Variants in ABL1 observed in about 807,000 individuals in gnomAD.
The protein encoded by ABL1 is ABL proto-oncogene 1, non-receptor tyrosine kinase, also known as tyrosine-protein kinase ABL1.
Under a neutral mutation model 94.7 loss-of-function variants are expected in ABL1, and 11 were observed. The ratio of observed to expected loss-of-function variants is 0.12; its 90% confidence interval spans 0.07 to 0.19. The LOEUF (loss-of-function observed/expected upper bound fraction) is 0.19, where lower values mean the gene tolerates loss of function less well. Among genes scored for constraint, ABL1 ranks in the 10% least tolerant of loss-of-function variants. The pLI, the probability that ABL1 is intolerant of heterozygous loss-of-function variation, is 1.00. For missense variants in ABL1, 1,082 were observed against 1,489.4 expected, an observed-to-expected ratio of 0.73 and a Z score of 4.50; for synonymous variants, 656 against 622.4, an observed-to-expected ratio of 1.05 and a Z score of -0.80.
exon 1 of ABL1, chr9:130,714,306 C>G: frequency 6.3e-7 from 1 of 1,579,150 alleles, no homozygotes; most frequent in Non-Finnish European, 8.6e-7. Flanking sequence ...GAAAGGGGTA[C>G]CTATTATTAC....
intron 1 of ABL1, among the ~76,000 whole-genome samples, chr9:130,841,763 G>C (rs1294158513): frequency 6.6e-6 from 1 of 151,842 alleles, no homozygotes; most frequent in Non-Finnish European, 1.5e-5. Context: ...AGTGAGCCGC[G>C]ATCTCACCAT....
At chr9:130,869,219 T>C (rs913302417) in intron 4 of ABL1, among the ~76,000 whole-genome samples, 1 of 152,188 alleles carries the variant, frequency 6.6e-6, no homozygotes, top group Non-Finnish European at 1.5e-5. Context: ...AATGTATCTG[T>C]GAGAAGACAA....
intron 1 of ABL1, among the ~76,000 whole-genome samples, chr9:130,717,406 C>T (rs1451096321): frequency 6.6e-6 from 1 of 152,084 alleles, no homozygotes; most frequent in Admixed American, 6.6e-5. Flanking sequence ...AAGATCCATT[C>T]AAAGTGCAAA....
chr9:130,826,629 A>T (rs1226322951), intron 1 of ABL1, among the ~76,000 whole-genome samples: 1 of 152,194 alleles, frequency 6.6e-6, no homozygotes, highest in Admixed American at 6.5e-5. Flanking sequence ...AGACATTAGT[A>T]CCACAGAAAG....
At chr9:130,778,853 T>G (rs557834151) in intron 1 of ABL1, among the ~76,000 whole-genome samples, 1 of 152,200 alleles carries the variant, frequency 6.6e-6, no homozygotes, top group East Asian at 1.9e-4. Flanking sequence ...TCCTGTGATA[T>G]TATGGATTCC....
chr9:130,817,739 A>G (rs1830307522), intron 1 of ABL1, among the ~76,000 whole-genome samples: 1 of 152,212 alleles, frequency 6.6e-6, no homozygotes. Context: ...AGCATTTCTA[A>G]CAGATCCATA....
chr9:130,808,925 G>A lies in ABL1; in HGVS notation c.137-45139G>A, dbSNP rs34776811. Among the ~76,000 whole-genome samples, 995 of 152,306 alleles carry A rather than the reference G, an allele frequency of 6.5e-3. 10 individuals carry two copies. The highest frequency in any genetic ancestry group is 0.022 in the African/African-American group (931 of 41,558). Reference sequence around the variant, plus strand: ...AAGTTATTAGGTCTAAGGTGATTAAGAACAGCGAATCCTGAGACCTGAGAA... The same window carrying A: ...AAGTTATTAGGTCTAAGGTGATTAAAAACAGCGAATCCTGAGACCTGAGAA... On this transcript the variant is annotated intron_variant, in intron 1 of 10. Transcript: ENST00000372348.
intron 1 of ABL1, among the ~76,000 whole-genome samples, chr9:130,846,983 G>C (rs572821135): frequency 6.6e-6 from 1 of 152,166 alleles, no homozygotes; most frequent in East Asian, 1.9e-4. Flanking sequence ...CTGTGGCCTG[G>C]TTCTTATAAA....
At chr9:130,714,440 G>T (rs750387075) in exon 1 of ABL1, 1 of 1,614,196 alleles carries the variant, frequency 6.2e-7, no homozygotes. Flanking sequence ...ACACTGCAAT[G>T]TTTTTGTGGA....
At chr9:130,832,995 A>T (rs994010824), upstream of ABL1, among the ~76,000 whole-genome samples, 3 of 152,236 alleles carry the variant, frequency 2.0e-5, no homozygotes, top group Non-Finnish European at 4.4e-5. Context: ...CTAAAATTAA[A>T]AAGATTTGGG....
intron 1 of ABL1, among the ~76,000 whole-genome samples, chr9:130,772,082 C>T (rs1188794446): frequency 2.6e-5 from 4 of 152,112 alleles, no homozygotes; most frequent in African/African-American, 4.8e-5. Context: ...AAAATGCTTC[C>T]TGGTAACTGC....
chr9:130,812,212 A>T (rs185219098), intron 1 of ABL1, among the ~76,000 whole-genome samples: 4,418 of 150,514 alleles, frequency 0.029, 106 homozygotes, highest in Middle Eastern at 0.065. Context: ...AAAAAAAAAA[A>T]AAAAAAAAAA....
intron 1 of ABL1, among the ~76,000 whole-genome samples, chr9:130,844,633 T>C (rs1378677907): frequency 2.0e-5 from 3 of 152,126 alleles, no homozygotes; most frequent in Admixed American, 1.3e-4. Flanking sequence ...AAACCCCGTC[T>C]TTACTAAAGA....
At chr9:130,854,685 A>G in intron 2 of ABL1, 116 bp from the exon 3 acceptor site, 1 of 1,099,710 alleles carries the variant, frequency 9.1e-7, no homozygotes, top group Non-Finnish European at 1.3e-6. Context: ...GGACTTGTTA[A>G]AATGAAATTG....
intron 1 of ABL1, among the ~76,000 whole-genome samples, chr9:130,736,902 G>A (rs1396718943): frequency 6.6e-6 from 1 of 152,200 alleles, no homozygotes; most frequent in African/African-American, 2.4e-5. Context: ...GTAGGGCCTA[G>A]TTGATTGCCT....
intron 1 of ABL1, among the ~76,000 whole-genome samples, chr9:130,773,628 C>CTTT (rs57265547): frequency 9.2e-6 from 1 of 109,000 alleles, no homozygotes; most frequent in Non-Finnish European, 1.9e-5. Context: ...CTGGCTAACT[C>CTTT]TTTTTTTTTT....
At chr9:130,839,647 G>A (rs914807920) in intron 1 of ABL1, among the ~76,000 whole-genome samples, 1 of 152,200 alleles carries the variant, frequency 6.6e-6, no homozygotes, top group Non-Finnish European at 1.5e-5. Context: ...GTTTTCCTCT[G>A]ACCTCTCTGA....
At chr9:130,877,771 G>A (rs546587656) in intron 7 of ABL1, among the ~76,000 whole-genome samples, 1 of 145,934 alleles carries the variant, frequency 6.9e-6, no homozygotes, top group African/African-American at 2.7e-5. Context: ...CTCCAAAGTA[G>A]CCAGGACTAC....
chr9:130,853,659 C>T (rs1830923958), intron 1 of ABL1, among the ~76,000 whole-genome samples: 1 of 152,178 alleles, frequency 6.6e-6, no homozygotes, highest in Non-Finnish European at 1.5e-5. Context: ...AGGTGATCCA[C>T]CCACCTTGGC....
Sources: allele counts gnomAD v4.1 joint callset (sites outside exome capture counted in the v4.1 genomes callset), GRCh38; gene constraint gnomAD v4.1.1; transcripts MANE v1.5; gene names NCBI Gene and HGNC (gene_info 2026-07-23, HGNC 2026-07-21).